The following GRM5 variants were observed in gnomAD, a reference collection of about 807,000 sequenced individuals.
GRM5 encodes metabotropic glutamate receptor 5.
A neutral mutation model predicts 83.1 loss-of-function variants in GRM5; 19 were observed. The ratio of observed to expected loss-of-function variants is 0.23; its 90% CI spans 0.16 to 0.34. The LOEUF (loss-of-function observed/expected upper bound fraction) is 0.34. GRM5 is among the 10% of genes least tolerant of loss of function. GRM5 has a pLI of 1.00. For missense variants in GRM5, 1,160 were observed against 1,588.3 expected, an observed-to-expected ratio of 0.73 and a Z score of 4.58; for synonymous variants, 675 against 633.6, an observed-to-expected ratio of 1.07 and a Z score of -0.98.
intron 4 of GRM5, among the ~76,000 whole-genome samples, chr11:88,643,655 C>G (rs982862442): frequency 1.3e-5 from 2 of 152,170 alleles, no homozygotes; most frequent in Non-Finnish European, 2.9e-5. Flanking sequence ...AATCTCAAAT[C>G]TGGGTGTTAG....
chr11:88,704,530 T>A (rs1470503467), intron 3 of GRM5, among the ~76,000 whole-genome samples: 1 of 152,048 alleles, frequency 6.6e-6, no homozygotes, highest in Non-Finnish European at 1.5e-5. Flanking sequence ...TAAGAGGAAC[T>A]GCACATTTTG....
intron 3 of GRM5, among the ~76,000 whole-genome samples, chr11:88,746,288 A>G (rs1316860695): frequency 3.3e-5 from 5 of 152,172 alleles, no homozygotes; most frequent in African/African-American, 9.7e-5. Context: ...TCTGAAATAT[A>G]TATAGACTTC....
chr11:88,643,454 A>G (rs1043386864), intron 4 of GRM5, among the ~76,000 whole-genome samples: 1 of 152,174 alleles, frequency 6.6e-6, no homozygotes, highest in African/African-American at 2.4e-5. Flanking sequence ...TCCAAACTAT[A>G]TCAGCCTTTC....
chr11:88,561,422 A>G (rs1482640002), intron 8 of GRM5, among the ~76,000 whole-genome samples: 3 of 152,198 alleles, frequency 2.0e-5, no homozygotes, highest in East Asian at 1.9e-4. Context: ...GAGAAAATTT[A>G]TAACTTCCAG....
chr11:88,655,008 G>C (rs1939731257), intron 3 of GRM5, among the ~76,000 whole-genome samples: 1 of 151,858 alleles, frequency 6.6e-6, no homozygotes, highest in South Asian at 2.1e-4. Context: ...TATTAGCTAG[G>C]GCATCAGTGG....
At chr11:88,778,291 G>C (rs1053671941) in intron 3 of GRM5, among the ~76,000 whole-genome samples, 6 of 152,238 alleles carry the variant, frequency 3.9e-5, no homozygotes, top group Non-Finnish European at 1.5e-5. Flanking sequence ...CTTGTCTGCC[G>C]GTTGTTAAGA....
At chr11:88,725,927 G>GA (rs977505027) in intron 3 of GRM5, among the ~76,000 whole-genome samples, 4 of 152,058 alleles carry the variant, frequency 2.6e-5, no homozygotes, top group Non-Finnish European at 2.9e-5. Context: ...ACGAAGATGA[G>GA]AAAAAAACAG....
At chr11:88,854,743 C>T (rs1242023813) in intron 2 of GRM5, among the ~76,000 whole-genome samples, 1 of 151,704 alleles carries the variant, frequency 6.6e-6, no homozygotes, top group Non-Finnish European at 1.5e-5. Context: ...GCAATATACC[C>T]ATGTAACAAA....
chr11:88,637,033 G>T (rs547573783), intron 4 of GRM5, among the ~76,000 whole-genome samples: 1 of 152,056 alleles, frequency 6.6e-6, no homozygotes, highest in Non-Finnish European at 1.5e-5. Context: ...TTGGCAATGC[G>T]GGCTCTTTTT....
chr11:88,941,513 AGAGGAGAGAGGAGGGGAGAG>A (rs1938105967), intron 2 of GRM5, among the ~76,000 whole-genome samples: 1 of 15,686 alleles, frequency 6.4e-5, no homozygotes, highest in Admixed American at 9.2e-4. Flanking sequence ...AGAGGAGGGG[AGAGGAGAGAGGAGGGGAGAG>A]GAGGAGGAGG....
chr11:89,027,307 G>A (rs1941150519), intron 2 of GRM5, among the ~76,000 whole-genome samples: 1 of 150,036 alleles, frequency 6.7e-6, no homozygotes, highest in Non-Finnish European at 1.5e-5. Flanking sequence ...TGTTGCACAG[G>A]GTGGTCTCAA....
intron 8 of GRM5, among the ~76,000 whole-genome samples, chr11:88,559,808 A>G (rs1942713075): frequency 6.6e-6 from 1 of 152,174 alleles, no homozygotes; most frequent in Non-Finnish European, 1.5e-5. Context: ...TGGCGAGTCT[A>G]GAGATGATGG....
chr11:88,702,922 T>G (rs1406854279), intron 3 of GRM5, among the ~76,000 whole-genome samples: 1 of 152,110 alleles, frequency 6.6e-6, no homozygotes, highest in African/African-American at 2.4e-5. Flanking sequence ...GATCATAGAC[T>G]TCTAGCCTTC....
In GRM5 at chr11:88,508,415, G is replaced by A. The variant is rs1281337210; in HGVS notation, c.*177C>T. 4 of 492,742 alleles carry A rather than the reference G, an allele frequency of 8.1e-6. No individual in the cohort carries two copies. The highest frequency in any genetic ancestry group is 1.4e-5 in the Non-Finnish European group (4 of 283,278). 30.5% of individuals were successfully genotyped at this position (492,742 alleles called of 1,614,324 possible). A position where few individuals can be genotyped will look rare whatever the true frequency, so the allele number is the denominator to read the frequency against. ...AAGAAAATCTGCCAAAAGATTTGTC[G>A]TCGGTTTCTTCGTCGGTTGTCATGA... On this transcript the variant is annotated 3_prime_UTR_variant, in exon 10 of 10. Coordinates refer to ENST00000305447, the MANE Select transcript of GRM5 (RefSeq NM_001143831.3). This position sits in a 1 kb window ranked among gnomAD's most constrained non-coding sequence, Gnocchi z 4.2.
intron 2 of GRM5, among the ~76,000 whole-genome samples, chr11:88,878,039 T>C (rs891408880): frequency 6.6e-6 from 1 of 151,634 alleles, no homozygotes; most frequent in Non-Finnish European, 1.5e-5. Context: ...AGAAGGAAAG[T>C]AAAATATACC....
chr11:88,899,687 T>C (rs1332655153), intron 2 of GRM5, among the ~76,000 whole-genome samples: 1 of 151,902 alleles, frequency 6.6e-6, no homozygotes, highest in East Asian at 1.9e-4. Context: ...TGTATTATCC[T>C]GAAAAAAAAA....
intron 2 of GRM5, among the ~76,000 whole-genome samples, chr11:88,932,366 TA>T (rs1353084709): frequency 6.6e-6 from 1 of 151,992 alleles, no homozygotes; most frequent in African/African-American, 2.4e-5. Flanking sequence ...GTTTATTGGC[TA>T]AAAAAGTTAT....
intron 2 of GRM5, chr11:89,009,224 T>C: frequency 3.5e-6 from 2 of 564,410 alleles, no homozygotes; most frequent in Non-Finnish European, 6.4e-6. Flanking sequence ...CATACCAAGA[T>C]GTAATGTCAC....
chr11:88,525,261 T>G (rs779158147), intron 9 of GRM5, 48 bp downstream of exon 9: 1 of 1,071,150 alleles, frequency 9.3e-7, no homozygotes, highest in Non-Finnish European at 1.4e-6. Flanking sequence ...TCCTCTAGCT[T>G]GCATACATTT....
Sources: gnomAD v4.1 joint callset for allele counts (sites outside exome capture counted in the v4.1 genomes callset) on GRCh38, gnomAD v4.1.1 for gene constraint, Gnocchi (gnomAD v3.1) non-coding constraint, MANE v1.5 for transcripts, NCBI Gene and HGNC (gene_info 2026-07-23, HGNC 2026-07-21) for gene names.